Variants in TOMM40L observed in about 807,000 individuals in gnomAD.
TOMM40L encodes the protein mitochondrial import receptor subunit TOM40B.
A neutral mutation model predicts 38.3 loss-of-function variants in TOMM40L; 17 were observed. The ratio of observed to expected loss-of-function variants is 0.44; its 90% CI spans 0.30 to 0.67. The LOEUF (loss-of-function observed/expected upper bound fraction) is 0.67. Ranked by LOEUF, TOMM40L falls within the 30% of genes least tolerant of loss-of-function variation. TOMM40L has a pLI of 0.08. For synonymous variants in TOMM40L, 151 were observed against 150.2 expected (o/e 1.01, Z -0.04); for missense variants, 294 against 390.0 (o/e 0.75, Z 2.07).
chr1:161,226,600 CAAAGGTGAGA>C lies in TOMM40L; in HGVS notation c.113_115+7del, dbSNP rs1558095329. On this transcript the variant is annotated splice_donor_variant and splice_donor_5th_base_variant and coding_sequence_variant and intron_variant, in exon 2 of 10. Transcript: ENST00000367988. LOFTEE classifies it high-confidence loss of function. ...GCTTCGATGAGCTGCACCGTCTATG[CAAAGGTGAGA>C]ACTTGGCACTTGGGTGTCTCAGGAT... is the stretch of plus-strand genomic sequence containing the variant. 2 of 1,613,688 alleles carry C rather than the reference CAAAGGTGAGA, an allele frequency of 1.2e-6. No individual in the cohort carries two copies. The highest frequency in any genetic ancestry group is 1.7e-6 in the Non-Finnish European group (2 of 1,179,816).
intron 1 of TOMM40L, 80 bp from the exon 2 acceptor site, chr1:161,226,275 G>A: frequency 1.8e-6 from 1 of 546,628 alleles, no homozygotes; most frequent in African/African-American, 1.9e-5. Flanking sequence ...AAGTGGGGGT[G>A]AGAGATCAAA....
chr1:161,229,926 C>G lies in TOMM40L; in HGVS notation c.*831C>G. 2 of 1,614,134 alleles carry G rather than the reference C, an allele frequency of 1.2e-6. No homozygotes were observed. The highest frequency in any genetic ancestry group is 1.7e-6 in the Non-Finnish European group (2 of 1,180,034). On this transcript the variant is annotated 3_prime_UTR_variant, in exon 10 of 10. Transcript: ENST00000367988. ...GGCCTAGCAACTTCGCATACAGAAA[C>G]CTTTGGAGGAAGTAGTGGGGTTGCC...
At position 161,226,891 on chromosome 1, in the gene TOMM40L, T is replaced by C. The variant is rs1457905826; in HGVS notation, c.119T>C (p.Val40Ala). The C allele has an allele frequency of 6.2e-7, 1 of 1,614,166 alleles. No individual in the cohort carries two copies. The highest frequency in any genetic ancestry group is 1.3e-5 in the African/African-American group (1 of 75,056). The change falls in exon 3 of 10, where the codon GTA (valine) becomes GCA (alanine). Residue 40 changes from valine (V) to alanine (A), a missense_variant. Coordinates refer to ENST00000367988, the MANE Select transcript of TOMM40L (RefSeq NM_032174.6). Reference protein sequence around the residue: ...FDELHRLCKDVFPAQMEGVKL... With the variant: ...FDELHRLCKDAFPAQMEGVKL... ...TCCCTTCCCCTACCCCCTTCAGATG[T>C]ATTCCCAGCACAGATGGAGGGAGTG...
chr1:161,230,242 G>C lies in TOMM40L; in HGVS notation c.*1147G>C. On this transcript the variant is annotated 3_prime_UTR_variant, in exon 10 of 10. Transcript: ENST00000367988. ...CTGAGGGCCTGGCCTTCTAGAGCAG[G>C]TTCTAGAAGGTGGATGTGTTCTATG... 2.6e-6 allele frequency: 1 copy of C among 383,334 alleles called. No homozygotes were observed. The highest frequency in any genetic ancestry group is 4.8e-6 in the Non-Finnish European group (1 of 208,386). The allele number at this position is 383,334 out of a possible 1,614,324, so 23.7% of individuals were successfully genotyped here. A position where few individuals can be genotyped will look rare whatever the true frequency, so the allele number is the denominator to read the frequency against.
At chr1:161,228,020 T>C (rs1666479750) in intron 6 of TOMM40L, 31 bp downstream of exon 6, 8 of 1,610,856 alleles carry the variant, frequency 5.0e-6, no homozygotes, top group Non-Finnish European at 6.8e-6. Flanking sequence ...TCTTTTTATC[T>C]TGGCGGCCCA....
chr1:161,228,390 G>A, intron 7 of TOMM40L, 38 bp from the exon 8 acceptor site: 2 of 1,613,968 alleles, frequency 1.2e-6, no homozygotes, highest in Non-Finnish European at 1.7e-6. Context: ...TCATACTACA[G>A]TTAACACTCC....
chr1:161,229,549 A>C lies in TOMM40L; in HGVS notation c.*454A>C. On this transcript the variant is annotated 3_prime_UTR_variant, in exon 10 of 10. Coordinates refer to ENST00000367988, the MANE Select transcript of TOMM40L (RefSeq NM_032174.6). ...GAAGTGGGGCCCACCCATTCCCAGA[A>C]GGAGCTTCTTTACCTCTTAGCCCTG... The C allele has an allele frequency of 8.5e-6, 11 of 1,288,220 alleles. No individual in the cohort carries two copies. Among genetic ancestry groups the C allele is most frequent in the Non-Finnish European group, 1.2e-5 (11 of 931,272 alleles). 79.8% of individuals were successfully genotyped at this position (1,288,220 alleles called of 1,614,324 possible).
chr1:161,226,653 G>A, intron 2 of TOMM40L, 49 bp downstream of exon 2: 1 of 1,570,768 alleles, frequency 6.4e-7, no homozygotes, highest in African/African-American at 1.4e-5. Context: ...CAGAGGAGTG[G>A]AGGGTCTTGA....
chr1:161,227,955 G>A lies in TOMM40L; in HGVS notation c.450G>A (p.Leu150=), dbSNP rs138403459. The A allele has an allele frequency of 6.2e-7, 1 of 1,614,014 alleles. No individual in the cohort carries two copies. Among genetic ancestry groups the A allele is most frequent in the African/African-American group, 1.3e-5 (1 of 74,906 alleles). The change falls in exon 6 of 10, where the codon CTG becomes CTA. Residue 150 remains leucine, a synonymous_variant. Coordinates refer to ENST00000367988, the MANE Select transcript of TOMM40L (RefSeq NM_032174.6). ...EYRGDDYTAT[L]TLGNPDLIGE... ...GGGGAGATGACTACACAGCCACTCT[G>A]ACCCTAGGAAATCCTGACCTGATTG... is the stretch of plus-strand genomic sequence containing the variant.
In TOMM40L at chr1:161,230,587, T is replaced by A; in HGVS notation, c.*1492T>A. On this transcript the variant is annotated 3_prime_UTR_variant, in exon 10 of 10. Coordinates refer to ENST00000367988, the MANE Select transcript of TOMM40L (RefSeq NM_032174.6). ...GCTACTACTTTGCATCTGTACTGAA[T>A]AAAAAAAAAATCTGGAAAAAGTGAG... The A allele has an allele frequency of 7.2e-6, 4 of 554,466 alleles. No homozygotes were observed. The allele number at this position is 554,466 out of a possible 1,614,324, so 34.3% of individuals were successfully genotyped here. A position where few individuals can be genotyped will look rare whatever the true frequency, so the allele number is the denominator to read the frequency against.
At chr1:161,227,142 T>G (rs1666398902) in intron 3 of TOMM40L, 116 bp from the exon 4 acceptor site, 2 of 1,221,252 alleles carry the variant, frequency 1.6e-6, no homozygotes, top group Non-Finnish European at 2.4e-6. Context: ...TCTGTATATG[T>G]TGGAATATTT....
In TOMM40L at chr1:161,230,536, G is replaced by T; in HGVS notation, c.*1441G>T. ...GAGGTAATGGATGTCATCAATCTCA[G>T]GAATGCTATTACCCAGAGCCTCTGA... On this transcript the variant is annotated 3_prime_UTR_variant, in exon 10 of 10. Coordinates refer to ENST00000367988, the MANE Select transcript of TOMM40L (RefSeq NM_032174.6). The T allele has an allele frequency of 1.8e-6, 1 of 554,932 alleles. No homozygotes were observed. Among genetic ancestry groups the T allele is most frequent in the East Asian group, 3.0e-5 (1 of 33,184 alleles). 34.4% of individuals were successfully genotyped at this position (554,932 alleles called of 1,614,324 possible).
rs769632824 is a variant in TOMM40L, at chr1:161,226,609, G to A, written c.115+5G>A. 1 of 1,612,882 alleles carries A rather than the reference G, an allele frequency of 6.2e-7. No individual in the cohort carries two copies. The highest frequency in any genetic ancestry group is 2.2e-5 in the East Asian group (1 of 44,842). On this transcript the variant is annotated splice_donor_5th_base_variant and intron_variant, in intron 2 of 9. Transcript: ENST00000367988. ...AGCTGCACCGTCTATGCAAAGGTGAGAACTTGGCACTTGGGTGTCTCAGGA... is the reference window on the plus strand; with the variant it reads ...AGCTGCACCGTCTATGCAAAGGTGAAAACTTGGCACTTGGGTGTCTCAGGA...
chr1:161,227,694 T>G lies in TOMM40L; in HGVS notation c.335T>G (p.Leu112Trp). The change falls in exon 5 of 10, where the codon TTG (leucine) becomes TGG (tryptophan). Residue 112 changes from leucine (L) to tryptophan (W), a missense_variant. Transcript: ENST00000367988. ...DSSGSLNAQV[L>W]LLLAERLRAK... The stretch of plus-strand genomic sequence containing the variant: ...AGTGGCAGCCTGAACGCCCAGGTCT[T>G]GCTCCTCTTGGCAGAGCGGCTCCGA... 1 of 1,613,476 alleles carries G rather than the reference T, an allele frequency of 6.2e-7. No individual in the cohort carries two copies. The highest frequency in any genetic ancestry group is 1.1e-5 in the South Asian group (1 of 91,046).
Position 161,228,953 on chromosome 1 carries a change from C to T in TOMM40L, c.788-3C>T. The T allele has an allele frequency of 6.2e-7, 1 of 1,614,202 alleles. No homozygotes were observed. On this transcript the variant is annotated splice_region_variant and splice_polypyrimidine_tract_variant and intron_variant, in intron 9 of 9. Coordinates refer to ENST00000367988, the MANE Select transcript of TOMM40L (RefSeq NM_032174.6). ...ATCTAGTGGGTATTCTCTCCCCCAA[C>T]AGGCTTGGTGGATAGTAACTGGTGT...
Position 161,226,107 on chromosome 1 carries a change from G to T in TOMM40L, c.-165G>T, listed in dbSNP as rs1357476783. 1 of 167,314 alleles carries T rather than the reference G, an allele frequency of 6.0e-6. No individual in the cohort carries two copies. The highest frequency in any genetic ancestry group is 2.4e-5 in the African/African-American group (1 of 41,786). 10.4% of individuals were successfully genotyped at this position (167,314 alleles called of 1,614,324 possible). Reference sequence around the variant, plus strand: ...ATCAAGATGACCGGGGTGTGCCGGGGGGAAAGGGGCAGCATGATGGTCTGA... The same window carrying T: ...ATCAAGATGACCGGGGTGTGCCGGGTGGAAAGGGGCAGCATGATGGTCTGA... On this transcript the variant is annotated 5_prime_UTR_variant, in exon 1 of 10. Transcript: ENST00000367988.
intron 8 of TOMM40L, 95 bp downstream of exon 8, chr1:161,228,599 C>T (rs1026090940): frequency 8.9e-6 from 14 of 1,564,584 alleles, no homozygotes; most frequent in Non-Finnish European, 1.1e-5. Context: ...TATTTTTCTT[C>T]CTACCACGCT....
In TOMM40L at chr1:161,229,438, TG is replaced by T; in HGVS notation, c.*346del. On this transcript the variant is annotated 3_prime_UTR_variant, in exon 10 of 10. Coordinates refer to ENST00000367988, the MANE Select transcript of TOMM40L (RefSeq NM_032174.6). ...TCCTTTCCCTTTGGTTAATCCTGCA[TG>T]GGATTAGCTGACCATCCTGTTTTCC... The T allele has an allele frequency of 1.6e-6, 1 of 638,792 alleles. No homozygotes were observed. The highest frequency in any genetic ancestry group is 2.7e-6 in the Non-Finnish European group (1 of 374,160). The allele number at this position is 638,792 out of a possible 1,614,324, so 39.6% of individuals were successfully genotyped here.
rs767659932 is a variant in TOMM40L at position 161,226,875 on chromosome 1, C to T, written c.116-13C>T. On this transcript the variant is annotated splice_polypyrimidine_tract_variant and intron_variant, in intron 2 of 9. Transcript: ENST00000367988. ...GTCTGTGCTTATTCCTTCCCTTCCC[C>T]TACCCCCTTCAGATGTATTCCCAGC... is the stretch of plus-strand genomic sequence containing the variant. 11 of 1,613,778 alleles carry T rather than the reference C, an allele frequency of 6.8e-6. No homozygotes were observed. The Admixed American group carries it at 1.5e-4, about 22-fold the overall frequency.
Sources: allele counts gnomAD v4.1 joint callset, GRCh38; gene constraint gnomAD v4.1.1; transcripts MANE v1.5; gene names NCBI Gene and HGNC (gene_info 2026-07-23, HGNC 2026-07-21).